OPHN1: variants seen among roughly 807,000 people sequenced by gnomAD.
OPHN1 encodes the protein oligophrenin 1.
Under a neutral mutation model 60.7 loss-of-function variants are expected in OPHN1, and 11 were observed. That is an observed-to-expected ratio of 0.18 (90% confidence interval 0.11 to 0.30). OPHN1 has a LOEUF of 0.30. Among genes scored for constraint, OPHN1 ranks in the 10% least tolerant of loss-of-function variants. The probability of loss-of-function intolerance (pLI) is 1.00; values close to 1 mark genes in which losing one functional copy is unlikely to be tolerated. For synonymous variants in OPHN1, 226 were observed against 222.6 expected (o/e 1.02, Z -0.14); for missense variants, 449 against 611.0 (o/e 0.73, Z 2.80).
At chrX:68,051,366 G>A (rs2076851070) in intron 23 of OPHN1, among the ~76,000 whole-genome samples, 1 of 111,610 alleles carries the variant, frequency 9.0e-6, no homozygotes, top group African/African-American at 3.3e-5. Context: ...CACTTGAGAA[G>A]TTTTAATAAC....
intron 5 of OPHN1, among the ~76,000 whole-genome samples, chrX:68,260,670 A>C (rs1339837393): frequency 8.9e-6 from 1 of 112,017 alleles, no homozygotes. Context: ...TGTAAGGCTT[A>C]TAAAATGTTT....
intron 2 of OPHN1, among the ~76,000 whole-genome samples, chrX:68,356,579 AT>A (rs2078442231): frequency 9.1e-6 from 1 of 110,124 alleles, no homozygotes. Context: ...CGCCTGGCTA[AT>A]TTTTATATTT....
intron 3 of OPHN1, among the ~76,000 whole-genome samples, chrX:68,290,112 G>A (rs1020460435): frequency 2.7e-5 from 3 of 110,665 alleles, no homozygotes; most frequent in Non-Finnish European, 5.7e-5. Context: ...ACATTAACAC[G>A]GTTATGGAGT....
At chrX:68,380,109 C>T (rs916383306) in intron 2 of OPHN1, among the ~76,000 whole-genome samples, 1 of 111,209 alleles carries the variant, frequency 9.0e-6, no homozygotes, top group Non-Finnish European at 1.9e-5. Flanking sequence ...TTCAGAGAGC[C>T]TGTTACTGGT....
chrX:68,228,239 C>A (rs1342672470), intron 6 of OPHN1, among the ~76,000 whole-genome samples: 1 of 111,896 alleles, frequency 8.9e-6, no homozygotes, highest in Non-Finnish European at 1.9e-5. Flanking sequence ...AGACTAATAA[C>A]AGGCTCTGAA....
chrX:68,269,891 A>T (rs1326016830), intron 5 of OPHN1, among the ~76,000 whole-genome samples: 2 of 112,102 alleles, frequency 1.8e-5, no homozygotes, highest in African/African-American at 6.5e-5. Flanking sequence ...CAAATTTACA[A>T]GAAAAAAACA....
chrX:68,111,068 G>A (rs1239936535), intron 18 of OPHN1, among the ~76,000 whole-genome samples: 1 of 111,804 alleles, frequency 8.9e-6, no homozygotes, highest in East Asian at 2.8e-4. Context: ...GCAGACAACT[G>A]CACTTGCTAA....
At chrX:68,274,894 A>G in intron 4 of OPHN1, 85 bp from the exon 5 acceptor site, 1 of 667,102 alleles carries the variant, frequency 1.5e-6, no homozygotes, top group Non-Finnish European at 2.4e-6. Flanking sequence ...ATTTTCATTT[A>G]TATACCAACC....
intron 2 of OPHN1, among the ~76,000 whole-genome samples, chrX:68,345,774 G>A (rs1450296187): frequency 3.6e-5 from 4 of 112,144 alleles, no homozygotes. Context: ...AATTCAAGAA[G>A]AACTGTGCTT....
chrX:68,352,426 C>T (rs899276092), intron 2 of OPHN1, among the ~76,000 whole-genome samples: 1 of 109,500 alleles, frequency 9.1e-6, no homozygotes, highest in Non-Finnish European at 1.9e-5. Context: ...AGATTATCAG[C>T]CGGACAGTGC....
intron 2 of OPHN1, among the ~76,000 whole-genome samples, chrX:68,311,890 C>T (rs1024528805): frequency 9.0e-6 from 1 of 111,402 alleles, no homozygotes; most frequent in Admixed American, 9.6e-5. Context: ...ATAAAGGATA[C>T]TCCATCCCAC....
chrX:68,332,434 A>T (rs2078300425), intron 2 of OPHN1, among the ~76,000 whole-genome samples: 1 of 111,668 alleles, frequency 9.0e-6, no homozygotes, highest in Middle Eastern at 4.2e-3. Context: ...CAGAGTGATG[A>T]CTTTTGGGAG....
At chrX:68,152,540 C>T (rs2077289411) in intron 15 of OPHN1, among the ~76,000 whole-genome samples, 1 of 108,840 alleles carries the variant, frequency 9.2e-6, no homozygotes, top group Admixed American at 9.8e-5. Context: ...CCTCCCCAGG[C>T]TCAGGTGATC....
At chrX:68,370,741 A>G (rs2078523926) in intron 2 of OPHN1, among the ~76,000 whole-genome samples, 1 of 111,810 alleles carries the variant, frequency 8.9e-6, no homozygotes, top group Non-Finnish European at 1.9e-5. Context: ...AATACACAGG[A>G]GAGGGGACAG....
chrX:68,173,531 T>C (rs1446197097), intron 15 of OPHN1, among the ~76,000 whole-genome samples: 1 of 111,431 alleles, frequency 9.0e-6, no homozygotes, highest in East Asian at 2.8e-4. Flanking sequence ...CAATTAGGCA[T>C]CATACCATCT....
chrX:68,082,335 G>T (rs2076977245), intron 19 of OPHN1, among the ~76,000 whole-genome samples: 1 of 112,309 alleles, frequency 8.9e-6, no homozygotes. Context: ...TTTCCAGAAG[G>T]TTTTAAATTT....
intron 15 of OPHN1, among the ~76,000 whole-genome samples, chrX:68,121,362 G>C (rs968681893): frequency 8.9e-6 from 1 of 111,788 alleles, no homozygotes; most frequent in Non-Finnish European, 1.9e-5. Flanking sequence ...CAAAAAAAGA[G>C]ACACTGGAAT....
chrX:68,233,890 T>C (rs1311627998), intron 6 of OPHN1, among the ~76,000 whole-genome samples: 1 of 110,669 alleles, frequency 9.0e-6, no homozygotes, highest in East Asian at 2.9e-4. Flanking sequence ...ATAAGAGTAA[T>C]GTGTTTTCTT....
intron 2 of OPHN1, among the ~76,000 whole-genome samples, chrX:68,365,439 C>T (rs2078493333): frequency 9.0e-6 from 1 of 111,318 alleles, no homozygotes; most frequent in South Asian, 3.8e-4. Flanking sequence ...CTGAAGAAAA[C>T]ATCAACAAGA....
Sources: allele counts gnomAD v4.1 joint callset (sites outside exome capture counted in the v4.1 genomes callset), GRCh38; gene constraint gnomAD v4.1.1; transcripts MANE v1.5; gene names NCBI Gene and HGNC (gene_info 2026-07-23, HGNC 2026-07-21).